Variants in DMD observed in about 807,000 individuals in gnomAD.
The protein encoded by DMD is dystrophin.
In DMD, 63 loss-of-function variants were observed where a neutral mutation model predicts 330.1. The observed-to-expected ratio is 0.19, with a 90% CI of 0.16 to 0.24. DMD has a LOEUF of 0.24. DMD is among the 10% of genes least tolerant of loss of function. The pLI is 1.00. For synonymous variants in DMD, 1,223 were observed against 959.8 expected, an observed-to-expected ratio of 1.27 and a Z score of -5.07; for missense variants, 3,344 against 2,684.1, an observed-to-expected ratio of 1.25 and a Z score of -5.43.
At chrX:32,138,851 T>A (rs756728554) in intron 44 of DMD, among the ~76,000 whole-genome samples, 5 of 112,110 alleles carry the variant, frequency 4.5e-5, no homozygotes, top group African/African-American at 1.6e-4. Flanking sequence ...GCTATCAGAG[T>A]CTTTTTTACT....
intron 7 of DMD, among the ~76,000 whole-genome samples, chrX:32,794,742 T>G (rs959062837): frequency 3.6e-5 from 4 of 112,354 alleles, no homozygotes; most frequent in Non-Finnish European, 7.5e-5. Flanking sequence ...AGTACTGCTC[T>G]TTGTTAATAA....
At chrX:33,271,460 T>C (rs1049686428) in intron 1 of DMD, among the ~76,000 whole-genome samples, 1 of 111,278 alleles carries the variant, frequency 9.0e-6, no homozygotes, top group African/African-American at 3.3e-5. Flanking sequence ...TTCCATGTGA[T>C]GAAACATTAG....
intron 3 of DMD, among the ~76,000 whole-genome samples, chrX:32,846,294 G>C (rs989070354): frequency 9.0e-6 from 1 of 111,464 alleles, no homozygotes; most frequent in South Asian, 3.8e-4. Context: ...CCAAACTTTT[G>C]TCTGTGTCTG....
chrX:31,828,230 C>T (rs889294912), intron 49 of DMD, among the ~76,000 whole-genome samples: 1 of 112,001 alleles, frequency 8.9e-6, no homozygotes, highest in African/African-American at 3.2e-5. Flanking sequence ...GGAAACACTA[C>T]AACCTACATC....
chrX:32,198,717 A>G (rs2097018479), intron 44 of DMD, among the ~76,000 whole-genome samples: 1 of 112,258 alleles, frequency 8.9e-6, no homozygotes, highest in Admixed American at 9.5e-5. Context: ...ACTATGATTT[A>G]CATGAAAATT....
At chrX:31,559,106 A>G (rs775558431) in intron 55 of DMD, among the ~76,000 whole-genome samples, 1 of 112,494 alleles carries the variant, frequency 8.9e-6, no homozygotes, top group African/African-American at 3.2e-5. Context: ...TGATCTCTCT[A>G]TAAAGCAAAG....
At chrX:32,269,266 C>T (rs753203826) in intron 43 of DMD, among the ~76,000 whole-genome samples, 2 of 111,103 alleles carry the variant, frequency 1.8e-5, no homozygotes, top group South Asian at 3.9e-4. Flanking sequence ...GCAGATAGCC[C>T]CCTACCCCAA....
chrX:31,483,743 G>T (rs2068565974), intron 57 of DMD, among the ~76,000 whole-genome samples: 1 of 112,186 alleles, frequency 8.9e-6, no homozygotes, highest in South Asian at 3.7e-4. Context: ...AATACAAAAG[G>T]ATAAAACTCC....
intron 41 of DMD, among the ~76,000 whole-genome samples, chrX:32,335,934 CGT>C (rs1184169055): frequency 1.9e-5 from 2 of 103,683 alleles, no homozygotes; most frequent in Non-Finnish European, 3.9e-5. Context: ...TTATATATAA[CGT>C]GTATACGTGT....
intron 16 of DMD, among the ~76,000 whole-genome samples, chrX:32,557,404 T>C (rs2050424601): frequency 8.9e-6 from 1 of 112,041 alleles, no homozygotes; most frequent in African/African-American, 3.2e-5. Flanking sequence ...TTAAATATGT[T>C]TGGCTCTTGA....
At chrX:33,071,729 G>A (rs757228078) in intron 1 of DMD, among the ~76,000 whole-genome samples, 2 of 110,928 alleles carry the variant, frequency 1.8e-5, no homozygotes, top group South Asian at 7.6e-4. Context: ...TTTTACTTAC[G>A]CCATTAAATG....
chrX:32,307,109 A>G (rs2097543235), intron 42 of DMD, among the ~76,000 whole-genome samples: 1 of 111,146 alleles, frequency 9.0e-6, no homozygotes, highest in Non-Finnish European at 1.9e-5. Context: ...ATTTATTTCA[A>G]AAATGTCCTA....
intron 44 of DMD, among the ~76,000 whole-genome samples, chrX:32,056,484 T>A (rs193121554): frequency 9.2e-6 from 1 of 108,378 alleles, no homozygotes; most frequent in African/African-American, 3.3e-5. Context: ...ATGCAAATGA[T>A]TATAAGACAC....
chrX:32,723,593 G>A (rs756444506), intron 7 of DMD, among the ~76,000 whole-genome samples: 8 of 111,388 alleles, frequency 7.2e-5, no homozygotes, highest in Non-Finnish European at 1.5e-4. Flanking sequence ...TAACTGCTTA[G>A]TATGATGACT....
intron 2 of DMD, among the ~76,000 whole-genome samples, chrX:32,937,597 C>A (rs1479324950): frequency 9.4e-6 from 1 of 106,908 alleles, no homozygotes; most frequent in Non-Finnish European, 1.9e-5. Flanking sequence ...GGTAAACAAC[C>A]TTAAGGCAGC....
chrX:31,342,227 C>T (rs908584659), intron 61 of DMD, among the ~76,000 whole-genome samples: 3 of 111,620 alleles, frequency 2.7e-5, no homozygotes, highest in African/African-American at 9.8e-5. Context: ...GACCCTTTTG[C>T]CTCATAAATA....
intron 32 of DMD, among the ~76,000 whole-genome samples, chrX:32,386,701 G>C (rs2097960392): frequency 1.0e-5 from 1 of 95,995 alleles, no homozygotes; most frequent in South Asian, 5.6e-4. Flanking sequence ...TTATTAAACA[G>C]AGAGTTAATC....
At chrX:32,084,600 T>C (rs1367298026) in intron 44 of DMD, among the ~76,000 whole-genome samples, 4 of 111,854 alleles carry the variant, frequency 3.6e-5, no homozygotes, top group Admixed American at 9.6e-5. Context: ...ATCTGCTTTA[T>C]AGATAGATGA....
intron 55 of DMD, among the ~76,000 whole-genome samples, chrX:31,514,599 C>A (rs1473936974): frequency 8.9e-6 from 1 of 112,020 alleles, no homozygotes; most frequent in African/African-American, 3.2e-5. Flanking sequence ...ATAATACATA[C>A]CTGCTGAATT....
Sources: gnomAD v4.1 joint callset for allele counts (sites outside exome capture counted in the v4.1 genomes callset) on GRCh38, gnomAD v4.1.1 for gene constraint, MANE v1.5 for transcripts, NCBI Gene and HGNC (gene_info 2026-07-23, HGNC 2026-07-21) for gene names.